SUSD4: variants seen among roughly 807,000 people sequenced by gnomAD.
The protein encoded by SUSD4 is sushi domain containing 4.
SUSD4 carries 41 observed loss-of-function variants against 50.5 expected under a neutral mutation model. The ratio of observed to expected loss-of-function variants is 0.81; its 90% confidence interval spans 0.63 to 1.05. SUSD4 has a LOEUF of 1.05. Among genes scored for constraint, SUSD4 ranks in the 50% least tolerant of loss-of-function variants. The pLI is 0.00. For synonymous variants in SUSD4, 257 were observed against 257.3 expected, an observed-to-expected ratio of 1.00 and a Z score of 0.01; for missense variants, 580 against 634.7, an observed-to-expected ratio of 0.91 and a Z score of 0.93.
At chr1:223,343,736 G>T (rs1667884000) in intron 2 of SUSD4, among the ~76,000 whole-genome samples, 1 of 152,150 alleles carries the variant, frequency 6.6e-6, no homozygotes, top group South Asian at 2.1e-4. Context: ...GCATACATCT[G>T]CATATATATA....
chr1:223,316,678 C>T (rs1666207262), intron 2 of SUSD4, among the ~76,000 whole-genome samples: 1 of 152,170 alleles, frequency 6.6e-6, no homozygotes, highest in Admixed American at 6.5e-5. Flanking sequence ...AAAAGGGAGG[C>T]TGAGCTGGGG....
chr1:223,266,581 C>G (rs74145793), intron 4 of SUSD4, among the ~76,000 whole-genome samples: 9,359 of 152,262 alleles, frequency 0.061, 440 homozygotes, highest in East Asian at 0.15. Context: ...CAGTTAATCA[C>G]AGGAGAAGGA....
intron 2 of SUSD4, among the ~76,000 whole-genome samples, chr1:223,295,789 A>G (rs1035290787): frequency 6.6e-6 from 1 of 151,930 alleles, no homozygotes; most frequent in African/African-American, 2.4e-5. Flanking sequence ...GAGGGTATAC[A>G]TATGTAACTA....
At chr1:223,255,500 G>C (rs948406965) in intron 5 of SUSD4, among the ~76,000 whole-genome samples, 1 of 152,164 alleles carries the variant, frequency 6.6e-6, no homozygotes, top group Non-Finnish European at 1.5e-5. Flanking sequence ...AATAAATCTT[G>C]AGTGAGAACA....
intron 2 of SUSD4, among the ~76,000 whole-genome samples, chr1:223,346,408 G>T (rs1228737824): frequency 1.3e-5 from 2 of 152,104 alleles, no homozygotes; most frequent in Non-Finnish European, 2.9e-5. Flanking sequence ...AACCACATTT[G>T]GGCTAGGGTT....
At chr1:223,280,852 G>C (rs1359527904) in intron 3 of SUSD4, among the ~76,000 whole-genome samples, 1 of 152,144 alleles carries the variant, frequency 6.6e-6, no homozygotes. Context: ...GCACTCCTCA[G>C]CAAATGTAAA....
intron 2 of SUSD4, among the ~76,000 whole-genome samples, chr1:223,358,485 T>C (rs753260783): frequency 1.3e-5 from 2 of 152,208 alleles, no homozygotes; most frequent in African/African-American, 4.8e-5. Flanking sequence ...GAGTTTCCCA[T>C]CTAAAGGCAA....
chr1:223,276,309 A>AT (rs2103102336), intron 3 of SUSD4, among the ~76,000 whole-genome samples: 1 of 152,314 alleles, frequency 6.6e-6, no homozygotes, highest in East Asian at 1.9e-4. Flanking sequence ...TTGCCTGACA[A>AT]TTCTGGGACT....
chr1:223,297,377 T>C (rs1211671226), intron 2 of SUSD4, among the ~76,000 whole-genome samples: 3 of 152,158 alleles, frequency 2.0e-5, no homozygotes, highest in Non-Finnish European at 4.4e-5. Flanking sequence ...GATCTGAATG[T>C]GTCTCTACAC....
intron 2 of SUSD4, among the ~76,000 whole-genome samples, chr1:223,350,381 TCCC>T (rs1487353883): frequency 1.3e-5 from 2 of 152,158 alleles, no homozygotes; most frequent in African/African-American, 2.4e-5. Context: ...AAAGACTTCC[TCCC>T]TTTCCCACCC....
At chr1:223,284,642 G>A (rs1664011545) in intron 3 of SUSD4, among the ~76,000 whole-genome samples, 1 of 152,208 alleles carries the variant, frequency 6.6e-6, no homozygotes, top group South Asian at 2.1e-4. Context: ...TAACGAAACT[G>A]TGGTACATAA....
chr1:223,237,107 C>T (rs980450071), intron 5 of SUSD4, among the ~76,000 whole-genome samples: 1 of 152,018 alleles, frequency 6.6e-6, no homozygotes, highest in African/African-American at 2.4e-5. Flanking sequence ...TTAGGGGCAG[C>T]TAATGTAAAT....
At chr1:223,360,662 T>C (rs74563798) in intron 2 of SUSD4, among the ~76,000 whole-genome samples, 1 of 152,342 alleles carries the variant, frequency 6.6e-6, no homozygotes, top group East Asian at 1.9e-4. Context: ...TTTTCTTCAA[T>C]ACTTGTACTG....
At chr1:223,336,846 A>T (rs1243623147) in intron 2 of SUSD4, among the ~76,000 whole-genome samples, 2 of 152,134 alleles carry the variant, frequency 1.3e-5, no homozygotes, top group Non-Finnish European at 2.9e-5. Context: ...AGGTGTTCAA[A>T]GAGTATCTGG....
At chr1:223,299,536 T>C (rs1024345820) in intron 2 of SUSD4, among the ~76,000 whole-genome samples, 9 of 152,170 alleles carry the variant, frequency 5.9e-5, no homozygotes, top group African/African-American at 1.9e-4. Flanking sequence ...GGAGCACTTA[T>C]ATATAAGAGA....
In SUSD4 at chr1:223,288,251, C is replaced by G. The variant is rs567405762; in HGVS notation, c.361+4188G>C. Among the ~76,000 whole-genome samples the G allele has an allele frequency of 3.3e-5, 5 of 152,272 alleles. No individual in the cohort carries two copies. The South Asian group carries it at 1.0e-3, about 32-fold the overall frequency. On this transcript the variant is annotated intron_variant, in intron 3 of 8. Coordinates refer to ENST00000366878, the MANE Select transcript of SUSD4 (RefSeq NM_017982.4). The stretch of plus-strand genomic sequence containing the variant: ...TCATGAGATCTGATGGTTTTAAAAG[C>G]AGGGGTTTTCCCTGTGTGCTCTCTC...
intron 3 of SUSD4, among the ~76,000 whole-genome samples, chr1:223,279,757 G>A (rs948983356): frequency 1.2e-4 from 18 of 152,096 alleles, no homozygotes; most frequent in African/African-American, 1.9e-4. Context: ...GATACTCCTC[G>A]AGAAGAGCAA....
chr1:223,315,050 T>C (rs1558242344), intron 2 of SUSD4, among the ~76,000 whole-genome samples: 1 of 152,252 alleles, frequency 6.6e-6, no homozygotes, highest in African/African-American at 2.4e-5. Flanking sequence ...TAGAGTTCTA[T>C]AACCACCTTT....
In SUSD4 at chr1:223,292,542, T is replaced by A. The variant is rs1172801928; in HGVS notation, c.258A>T (p.Gln86His). ...TAGCGCCCTTCAGCTTGAATCCGTC[T>A]TGGCAGTGAAATCGGGCTACAGAGC... ...FEGSVARFHC[Q>H]DGFKLKGATK... Residue 86 changes from glutamine (Q) to histidine (H), a missense_variant, in exon 3 of 9, where the codon CAA becomes CAT. Physicochemically the swap from Gln to His is conservative, Grantham distance 24 (BLOSUM62 0). Transcript: ENST00000366878. 3.1e-6 allele frequency: 5 copies of A among 1,614,184 alleles called. No individual in the cohort carries two copies. Among genetic ancestry groups the A allele is most frequent in the Non-Finnish European group, 4.2e-6 (5 of 1,180,020 alleles).
Sources: allele counts gnomAD v4.1 joint callset (sites outside exome capture counted in the v4.1 genomes callset), GRCh38; gene constraint gnomAD v4.1.1; transcripts MANE v1.5; gene names NCBI Gene and HGNC (gene_info 2026-07-23, HGNC 2026-07-21).